Variants in SPAM1 observed in about 807,000 individuals in gnomAD.
SPAM1 encodes the protein hyaluronidase PH-20.
SPAM1 carries 22 observed loss-of-function variants against 29.6 expected under a neutral mutation model. The ratio of observed to expected loss-of-function variants is 0.74; its 90% CI spans 0.53 to 1.06. The LOEUF (loss-of-function observed/expected upper bound fraction) is 1.06. SPAM1 is among the 50% of genes least tolerant of loss of function. SPAM1 has a pLI of 0.00. For synonymous variants in SPAM1, 194 were observed against 204.6 expected, an observed-to-expected ratio of 0.95 and a Z score of 0.44; for missense variants, 534 against 604.0, an observed-to-expected ratio of 0.88 and a Z score of 1.21.
intron 1 of SPAM1, among the ~76,000 whole-genome samples, chr7:123,931,900 A>G (rs368640173): frequency 5.9e-5 from 9 of 152,328 alleles, no homozygotes; most frequent in African/African-American, 2.2e-4. Context: ...GACCCACAGC[A>G]AAGTTTGTCC....
chr7:123,955,013 C>T lies in SPAM1; in HGVS notation c.971C>T (p.Thr324Ile). 1 of 1,610,720 alleles carries T rather than the reference C, an allele frequency of 6.2e-7. No individual in the cohort carries two copies. Among genetic ancestry groups the T allele is most frequent in the Non-Finnish European group, 8.5e-7 (1 of 1,177,446 alleles). ...KFLSQDELVY[T>I]FGETVALGAS... ...ATTTTCCAGGATGAACTTGTGTATA[C>T]ATTTGGCGAAACTGTTGCTCTGGGT... The change falls in exon 4 of 5, where the codon ACA becomes ATA. Residue 324 changes from threonine (T) to isoleucine (I), a missense_variant. Transcript: ENST00000682466.
chr7:123,942,056 T>C (rs944074044), intron 1 of SPAM1, among the ~76,000 whole-genome samples: 1 of 152,204 alleles, frequency 6.6e-6, no homozygotes, highest in Admixed American at 6.5e-5. Context: ...ATCAGTAGGC[T>C]GGTATGAAAG....
intron 4 of SPAM1, among the ~76,000 whole-genome samples, chr7:123,956,421 A>G (rs1368983627): frequency 6.6e-6 from 1 of 152,032 alleles, no homozygotes; most frequent in African/African-American, 2.4e-5. Context: ...TTCATTGACA[A>G]CTTAAGAAAC....
downstream of SPAM1, among the ~76,000 whole-genome samples, chr7:123,962,624 T>C (rs1792373539): frequency 6.6e-6 from 1 of 151,934 alleles, no homozygotes; most frequent in African/African-American, 2.4e-5. Context: ...AATATTTTCT[T>C]CCAGTAGTTT....
intron 4 of SPAM1, among the ~76,000 whole-genome samples, chr7:123,958,456 T>C (rs894143265): frequency 6.6e-6 from 1 of 152,018 alleles, no homozygotes. Flanking sequence ...TAACATTTAA[T>C]AGAAAGTATA....
intron 1 of SPAM1, among the ~76,000 whole-genome samples, chr7:123,929,501 A>T (rs1354608925): frequency 6.6e-6 from 1 of 151,684 alleles, no homozygotes; most frequent in East Asian, 1.9e-4. Flanking sequence ...AACTTTTCTA[A>T]CTTCTCTCTA....
exon 7 of SPAM1, chr7:123,971,102 T>C (rs1248686200): frequency 6.6e-6 from 1 of 152,088 alleles, no homozygotes; most frequent in African/African-American, 2.4e-5. Context: ...GTTACAAAGA[T>C]AGACCTTCCC....
chr7:123,965,414 C>G (rs1792410009), intron 5 of SPAM1, among the ~76,000 whole-genome samples: 1 of 151,938 alleles, frequency 6.6e-6, no homozygotes, highest in Admixed American at 6.6e-5. Flanking sequence ...AGATTTTCTT[C>G]TAGGGTTTTT....
chr7:123,942,553 T>A (rs55760690), intron 1 of SPAM1, among the ~76,000 whole-genome samples: 3 of 152,214 alleles, frequency 2.0e-5, no homozygotes, highest in South Asian at 2.1e-4. Context: ...GTTTCTTTTT[T>A]AAAAAATTGG....
chr7:123,935,932 G>C (rs543435948), intron 1 of SPAM1, among the ~76,000 whole-genome samples: 1 of 151,798 alleles, frequency 6.6e-6, no homozygotes, highest in African/African-American at 2.4e-5. Flanking sequence ...TTTTTTAAAG[G>C]CTTATTACAA....
At chr7:123,969,595 C>T (rs902031976) in intron 5 of SPAM1, among the ~76,000 whole-genome samples, 2 of 151,946 alleles carry the variant, frequency 1.3e-5, no homozygotes, top group African/African-American at 4.8e-5. Context: ...ATCAGTTGGC[C>T]ATAGAAACAT....
chr7:123,955,347 A>C (rs946925722), intron 4 of SPAM1, among the ~76,000 whole-genome samples: 3 of 152,070 alleles, frequency 2.0e-5, no homozygotes, highest in Admixed American at 1.3e-4. Flanking sequence ...AAGCAAAAAC[A>C]GGACTACAAT....
chr7:123,959,958 G>T lies in SPAM1; in HGVS notation c.1519G>T (p.Ala507Ser), dbSNP rs1402320059. Residue 507 changes from alanine to serine, a missense_variant, in exon 5 of 5, where the codon GCG (alanine) becomes TCG (serine). By Grantham distance (99) the Ala-to-Ser change is moderately conservative. Transcript: ENST00000682466. ...SILFLIISSV[A>S]SL The stretch of plus-strand genomic sequence containing the variant: ...TTTGTTTCTTATCATTTCTTCTGTA[G>T]CGAGTTTGTAATTGCGCAGGTTAGC... 2.3e-5 allele frequency: 37 copies of T among 1,606,434 alleles called. No individual in the cohort carries two copies. The highest frequency in any genetic ancestry group is 3.1e-5 in the Non-Finnish European group (37 of 1,177,348).
downstream of SPAM1, among the ~76,000 whole-genome samples, chr7:123,962,746 T>C (rs1792375427): frequency 6.6e-6 from 1 of 151,972 alleles, no homozygotes; most frequent in South Asian, 2.1e-4. Flanking sequence ...AGTGGAAAAC[T>C]AGAAGTTTCC....
At chr7:123,942,691 G>A (rs2117041029) in intron 1 of SPAM1, among the ~76,000 whole-genome samples, 1 of 152,250 alleles carries the variant, frequency 6.6e-6, no homozygotes, top group African/African-American at 2.4e-5. Flanking sequence ...GAACCTTGGG[G>A]CTCCTGGGAC....
At chr7:123,944,333 G>A (rs11974484) in intron 1 of SPAM1, among the ~76,000 whole-genome samples, 51,220 of 151,894 alleles carry the variant, frequency 0.34, 9,121 homozygotes, top group Admixed American at 0.41. Context: ...TCAAAGCCCT[G>A]TACTCAATGA....
chr7:123,970,160 AAAC>A lies in SPAM1; in HGVS notation c.1486-33_1486-31del, dbSNP rs1275048790. The A allele has an allele frequency of 3.9e-6, 6 of 1,546,100 alleles. No individual in the cohort carries two copies. The African/African-American group carries it at 8.2e-5, about 21-fold the overall frequency. On this transcript the variant is annotated intron_variant, in intron 5 of 6. Transcript: ENST00000340011. ...CAAAGTGCCACAGACTAGGTGGCTT[AAAC>A]AACAGAAATTAATTTTCTTATGGTT...
At position 123,955,103 on chromosome 7, in the gene SPAM1, G is replaced by GA. The variant is rs1425239191; in HGVS notation, c.1044+21dup. Reference sequence around the variant, plus strand: ...CGAAGTATGGTAAGTTGAATTGGTAGAAAATAGGTGAAAATATTTCTATGT... The same window carrying GA: ...CGAAGTATGGTAAGTTGAATTGGTAGAAAAATAGGTGAAAATATTTCTATGT... On this transcript the variant is annotated intron_variant, in intron 4 of 4. Transcript: ENST00000682466. The GA allele has an allele frequency of 6.9e-7, 1 of 1,440,856 alleles. No individual in the cohort carries two copies. The highest frequency in any genetic ancestry group is 1.4e-5 in the African/African-American group (1 of 71,248). The allele number at this position is 1,440,856 out of a possible 1,614,324, so 89.3% of individuals were successfully genotyped here.
intron 2 of SPAM1, among the ~76,000 whole-genome samples, chr7:123,952,863 C>T (rs1357130467): frequency 3.4e-5 from 5 of 144,928 alleles, no homozygotes; most frequent in Admixed American, 7.0e-5. Context: ...TGATTTACTA[C>T]TTCTGGCAGA....
Sources: gnomAD v4.1 joint callset for allele counts (sites outside exome capture counted in the v4.1 genomes callset) on GRCh38, gnomAD v4.1.1 for gene constraint, MANE v1.5 for transcripts, NCBI Gene and HGNC (gene_info 2026-07-23, HGNC 2026-07-21) for gene names.